Variants in CA2 observed in about 807,000 individuals in gnomAD.
CA2 encodes carbonate dehydratase II.
A neutral mutation model predicts 27.8 loss-of-function variants in CA2; 23 were observed. That is an observed-to-expected ratio of 0.83 (90% confidence interval 0.59 to 1.17). CA2 has a LOEUF of 1.17. Among genes scored for constraint, CA2 ranks in the 50% most tolerant of loss-of-function variants. The pLI is 0.00. For missense variants in CA2, 300 were observed against 314.7 expected (o/e 0.95, Z 0.35); for synonymous variants, 99 against 114.9 (o/e 0.86, Z 0.88).
chr8:85,480,547 T>TCCCTCA lies in CA2; in HGVS notation c.664-123_664-122insCCCTCA, dbSNP rs1811873669. On this transcript the variant is annotated intron_variant, in intron 6 of 6. Transcript: ENST00000285379. ...CGCCTCATGCCTCAGCCTTACAAAG[T>TCCCTCA]GCTGGGATTACAGGCATGAGCCACT... The TCCCTCA allele has an allele frequency of 2.0e-5, 18 of 921,204 alleles. No homozygotes were observed. The South Asian group carries it at 2.4e-4, about 12-fold the overall frequency. 57.1% of individuals were successfully genotyped at this position (921,204 alleles called of 1,614,324 possible).
rs1563436905 is a variant in CA2, at chr8:85,480,841, A to C, written c.*52A>C. On this transcript the variant is annotated 3_prime_UTR_variant, in exon 7 of 7. Transcript: ENST00000285379. ...AATGAATCTTCGGGTGTTTCCCTTT[A>C]GCTAAGCACAGATCTACCTTGGTGA... 5.6e-6 allele frequency: 9 copies of C among 1,598,008 alleles called. No individual in the cohort carries two copies. Among genetic ancestry groups the C allele is most frequent in the Non-Finnish European group, 6.9e-6 (8 of 1,166,796 alleles).
chr8:85,480,662 T>C lies in CA2; in HGVS notation c.664-8T>C. 6.2e-7 allele frequency: 1 copy of C among 1,611,030 alleles called. No homozygotes were observed. The highest frequency in any genetic ancestry group is 8.5e-7 in the Non-Finnish European group (1 of 1,177,300). On this transcript the variant is annotated splice_region_variant and splice_polypyrimidine_tract_variant and intron_variant, in intron 6 of 6. Coordinates refer to ENST00000285379, the MANE Select transcript of CA2 (RefSeq NM_000067.3). ...CATTAATTATCAATGTTTTATTGTG[T>C]CTTTTAGGTGTTGAAATTCCGTAAA...
At chr8:85,473,948 C>T (rs945566429) in intron 3 of CA2, 137 bp downstream of exon 3, 1 of 692,308 alleles carries the variant, frequency 1.4e-6, no homozygotes, top group South Asian at 1.6e-5. Flanking sequence ...TTCACATTTG[C>T]TTTTTATAAC....
intron 5 of CA2, 36 bp from the exon 6 acceptor site, chr8:85,477,084 G>C: frequency 6.2e-7 from 1 of 1,611,598 alleles, no homozygotes; most frequent in Non-Finnish European, 8.5e-7. Context: ...CTCTGTCAAT[G>C]TGATAGTTTG....
At chr8:85,478,863 T>C (rs1811845762) in intron 6 of CA2, among the ~76,000 whole-genome samples, 1 of 152,222 alleles carries the variant, frequency 6.6e-6, no homozygotes, top group Non-Finnish European at 1.5e-5. Flanking sequence ...TAATAGCATT[T>C]TGAGCATCAC....
chr8:85,475,691 T>A (rs1811786881), intron 4 of CA2, 107 bp from the exon 5 acceptor site: 2 of 948,694 alleles, frequency 2.1e-6, no homozygotes, highest in African/African-American at 3.2e-5. Flanking sequence ...AGTGGAGAAT[T>A]TGGGCTCACT....
chr8:85,476,406 C>A (rs2130562861), intron 5 of CA2, among the ~76,000 whole-genome samples: 1 of 152,270 alleles, frequency 6.6e-6, no homozygotes, highest in Non-Finnish European at 1.5e-5. Context: ...GAACTTATCA[C>A]CAGGGGCAGC....
At chr8:85,469,609 A>G (rs919707808) in intron 2 of CA2, among the ~76,000 whole-genome samples, 3 of 152,156 alleles carry the variant, frequency 2.0e-5, no homozygotes, top group Non-Finnish European at 2.9e-5. Flanking sequence ...TAATGGCCTT[A>G]TCTGGGAGAA....
chr8:85,480,624 T>A, intron 6 of CA2, 46 bp from the exon 7 acceptor site: 1 of 1,583,924 alleles, frequency 6.3e-7, no homozygotes, highest in South Asian at 1.1e-5. Flanking sequence ...TATAACTGAA[T>A]ACCATTGTGA....
In CA2 at chr8:85,480,736, T is replaced by G; in HGVS notation, c.730T>G (p.Trp244Gly). 1.2e-6 allele frequency: 2 copies of G among 1,614,000 alleles called. No individual in the cohort carries two copies. The highest frequency in any genetic ancestry group is 1.1e-5 in the South Asian group (1 of 91,082). The change falls in exon 7 of 7, where the codon TGG becomes GGG. Residue 244 changes from tryptophan (W) to glycine (G), a missense_variant. By Grantham distance (184) the Trp-to-Gly change is radical. Transcript: ENST00000285379. ...ACCCGAAGAACTGATGGTGGACAACTGGCGCCCAGCTCAGCCACTGAAGAA... is the reference window on the plus strand; with the variant it reads ...ACCCGAAGAACTGATGGTGGACAACGGGCGCCCAGCTCAGCCACTGAAGAA... ...GEPEELMVDN[W>G]RPAQPLKNRQ...
chr8:85,475,155 T>A (rs1041162517), intron 4 of CA2, among the ~76,000 whole-genome samples: 3 of 151,834 alleles, frequency 2.0e-5, no homozygotes, highest in African/African-American at 4.8e-5. Flanking sequence ...AAAATTTTTT[T>A]AAAAATTAGC....
chr8:85,467,428 A>C (rs1055330174), intron 2 of CA2, among the ~76,000 whole-genome samples: 13 of 152,238 alleles, frequency 8.5e-5, no homozygotes, highest in Non-Finnish European at 1.6e-4. Flanking sequence ...GTATATGTAA[A>C]GCCCCTAGCC....
Position 85,465,389 on chromosome 8 carries a change from A to G in CA2, c.152A>G (p.Tyr51Cys), listed in dbSNP as rs745402787. 9 of 1,614,198 alleles carry G rather than the reference A, an allele frequency of 5.6e-6. No homozygotes were observed. Among genetic ancestry groups the G allele is most frequent in the Admixed American group, 1.7e-5 (1 of 60,022 alleles). The change falls in exon 2 of 7, where the codon TAT becomes TGT. Residue 51 changes from tyrosine (Y) to cysteine (C), a missense_variant. By Grantham distance (194) the Tyr-to-Cys change is radical. This residue lies in a region of CA2 where 122 missense variants were observed against 133.2 expected (regional missense o/e 0.92). Coordinates refer to ENST00000285379, the MANE Select transcript of CA2 (RefSeq NM_000067.3). ...DPSLKPLSVS[Y>C]DQATSLRILN... The stretch of plus-strand genomic sequence containing the variant: ...TCCCTGAAGCCCCTGTCTGTTTCCT[A>G]TGATCAAGCAACTTCCCTGAGGATC...
intron 2 of CA2, among the ~76,000 whole-genome samples, chr8:85,471,099 C>G (rs1333809880): frequency 1.3e-5 from 2 of 151,860 alleles, no homozygotes; most frequent in African/African-American, 4.8e-5. Flanking sequence ...TAACTTAAAC[C>G]AAGATATTAT....
chr8:85,468,751 T>A (rs1811667217), intron 2 of CA2, among the ~76,000 whole-genome samples: 1 of 151,122 alleles, frequency 6.6e-6, no homozygotes, highest in African/African-American at 2.4e-5. Flanking sequence ...AGAACGAGAC[T>A]CCATCTCAAA....
intron 5 of CA2, among the ~76,000 whole-genome samples, chr8:85,476,775 G>A (rs1320528608): frequency 1.3e-5 from 2 of 152,118 alleles, no homozygotes; most frequent in Non-Finnish European, 1.5e-5. Flanking sequence ...GCAACTTGAA[G>A]TCACCTCATT....
rs926327196 is a variant in CA2 at position 85,477,612 on chromosome 8, C to T, written c.663+337C>T. ...AAGTGAGAGTTCATATTCAAGGTTA[C>T]GCAGGTATCAGTGAGTTACCAGCCT... On this transcript the variant is annotated intron_variant, in intron 6 of 6. Transcript: ENST00000285379. Among the ~76,000 whole-genome samples, 23 of 150,430 alleles carry T rather than the reference C, an allele frequency of 1.5e-4. No individual in the cohort carries two copies. In the East Asian group the frequency reaches 1.8e-3, roughly 11 times the overall value.
rs1811583669 is a variant in CA2 at position 85,464,251 on chromosome 8, GC to G, written c.34+137del. ...ACCGCGGCCGCGGGGAGTGCTGGAG[GC>G]TCAGGTGCGCCCCGGGCGCTCGCTC... On this transcript the variant is annotated intron_variant, in intron 1 of 6. Transcript: ENST00000285379. 4.4e-5 allele frequency: 31 copies of G among 710,448 alleles called. No homozygotes were observed. The South Asian group carries it at 6.4e-4, about 15-fold the overall frequency. The allele number at this position is 710,448 out of a possible 1,614,324, so 44.0% of individuals were successfully genotyped here.
At chr8:85,473,646 C>G (rs1401046759) in intron 2 of CA2, 47 bp from the exon 3 acceptor site, 1 of 873,456 alleles carries the variant, frequency 1.1e-6, no homozygotes, top group Non-Finnish European at 1.9e-6. Flanking sequence ...TATGTGTATG[C>G]AGATACATAC....
Sources: gnomAD v4.1 joint callset for allele counts (sites outside exome capture counted in the v4.1 genomes callset) on GRCh38, gnomAD v4.1.1 for gene constraint, gnomAD v4.1.1 regional missense constraint, MANE v1.5 for transcripts, NCBI Gene and HGNC (gene_info 2026-07-23, HGNC 2026-07-21) for gene names.